The following NHSL1 variants were observed in gnomAD, a reference collection of about 807,000 sequenced individuals.
NHSL1 encodes the protein NHS like 1.
A neutral mutation model predicts 95.0 loss-of-function variants in NHSL1; 48 were observed. The observed-to-expected ratio is 0.51, with a 90% CI of 0.40 to 0.64. The LOEUF (loss-of-function observed/expected upper bound fraction) is 0.64. Ranked by LOEUF, NHSL1 falls within the 30% of genes least tolerant of loss-of-function variation. The probability of loss-of-function intolerance (pLI) is 0.00; values close to 1 mark genes in which losing one functional copy is unlikely to be tolerated. For missense variants in NHSL1, 1,971 were observed against 2,077.7 expected, an observed-to-expected ratio of 0.95 and a Z score of 1.00; for synonymous variants, 783 against 833.9, an observed-to-expected ratio of 0.94 and a Z score of 1.05.
In NHSL1 at chr6:138,430,097, G is replaced by C. The variant is rs375684144; in HGVS notation, c.3953-254C>G. On this transcript the variant is annotated intron_variant, in intron 6 of 7. Transcript: ENST00000343505. The surrounding 1 kb of genome is among the most constrained non-coding windows in gnomAD (Gnocchi z 4.7). Reference sequence around the variant, plus strand: ...AAATTTTGTTGCAACGTTTCTTTGCGCGGCTCTTCGGAAGGGAGGTGTTAC... The same window carrying C: ...AAATTTTGTTGCAACGTTTCTTTGCCCGGCTCTTCGGAAGGGAGGTGTTAC... 3.9e-5 allele frequency among the ~76,000 whole-genome samples: 6 copies of C among 152,294 alleles called. No homozygotes were observed. Among genetic ancestry groups the C allele is most frequent in the Non-Finnish European group, 7.3e-5 (5 of 68,028 alleles).
chr6:138,627,492 T>C (rs1361576925), intron 1 of NHSL1, among the ~76,000 whole-genome samples: 1 of 152,238 alleles, frequency 6.6e-6, no homozygotes, highest in Non-Finnish European at 1.5e-5. Context: ...GCACACATCA[T>C]ACATTTGGTA....
At chr6:138,462,685 T>C (rs1409606325) in intron 3 of NHSL1, among the ~76,000 whole-genome samples, 1 of 152,236 alleles carries the variant, frequency 6.6e-6, no homozygotes, top group East Asian at 1.9e-4. Flanking sequence ...TGAGTTAATA[T>C]AGTAGGACTG....
At chr6:138,619,471 T>C (rs1191762344) in intron 1 of NHSL1, among the ~76,000 whole-genome samples, 1 of 152,202 alleles carries the variant, frequency 6.6e-6, no homozygotes, top group Non-Finnish European at 1.5e-5. Flanking sequence ...CAAAAATCAT[T>C]AAATCCAGAA....
At chr6:138,631,755 C>T (rs981288627) in intron 1 of NHSL1, among the ~76,000 whole-genome samples, 2 of 152,080 alleles carry the variant, frequency 1.3e-5, no homozygotes, top group South Asian at 4.1e-4. Flanking sequence ...CTCTGAGACT[C>T]GTAGGTTTCA....
rs559233215 is a variant in NHSL1, at chr6:138,423,909, T to C, written c.*172A>G. On this transcript the variant is annotated 3_prime_UTR_variant, in exon 8 of 8. Coordinates refer to ENST00000343505, the MANE Select transcript of NHSL1 (RefSeq NM_001144060.2). ...CTTAAGCCACAGGGCAAGTGCCAGG[T>C]GAGTCCTAAATAACCGTTCACTCAC... 1.9e-4 allele frequency: 93 copies of C among 479,580 alleles called. No individual in the cohort carries two copies. Among genetic ancestry groups the C allele is most frequent in the Middle Eastern group, 5.8e-4 (1 of 1,718 alleles). 29.7% of individuals were successfully genotyped at this position (479,580 alleles called of 1,614,324 possible).
At chr6:138,640,424 T>C (rs1010155951) in intron 1 of NHSL1, among the ~76,000 whole-genome samples, 2 of 152,158 alleles carry the variant, frequency 1.3e-5, no homozygotes, top group Admixed American at 6.5e-5. Context: ...TTGAAGTACA[T>C]GGGCCCACAT....
intron 1 of NHSL1, among the ~76,000 whole-genome samples, chr6:138,689,024 G>A (rs1184971476): frequency 6.6e-6 from 1 of 152,072 alleles, no homozygotes; most frequent in African/African-American, 2.4e-5. Context: ...TCAACATATT[G>A]GCCAGGCTAG....
At chr6:138,443,480 G>A (rs555398277) in intron 4 of NHSL1, among the ~76,000 whole-genome samples, 3 of 152,292 alleles carry the variant, frequency 2.0e-5, no homozygotes, top group East Asian at 1.9e-4. Flanking sequence ...CCCTGCAGCA[G>A]AAGAAAAAAC....
At chr6:138,678,836 AG>A (rs1223563340) in intron 1 of NHSL1, among the ~76,000 whole-genome samples, 1 of 152,182 alleles carries the variant, frequency 6.6e-6, no homozygotes, top group Non-Finnish European at 1.5e-5. Flanking sequence ...TTATCCTGTA[AG>A]TGTTACTATA....
At chr6:138,565,716 G>A (rs1783588298) in intron 1 of NHSL1, among the ~76,000 whole-genome samples, 1 of 151,756 alleles carries the variant, frequency 6.6e-6, no homozygotes, top group African/African-American at 2.4e-5. Context: ...CTTGAGGCCA[G>A]ATGTTCAAGA....
At chr6:138,687,018 T>A (rs1785593168) in intron 1 of NHSL1, among the ~76,000 whole-genome samples, 1 of 151,716 alleles carries the variant, frequency 6.6e-6, no homozygotes, top group Non-Finnish European at 1.5e-5. Flanking sequence ...TAGAGGGGGG[T>A]GCGGGCCACA....
At chr6:138,567,690 T>G (rs1166876652) in intron 1 of NHSL1, among the ~76,000 whole-genome samples, 1 of 152,134 alleles carries the variant, frequency 6.6e-6, no homozygotes, top group Non-Finnish European at 1.5e-5. Flanking sequence ...ATTGATTATC[T>G]AGTATATGGA....
chr6:138,431,031 G>A lies in NHSL1; in HGVS notation c.3314C>T (p.Ala1105Val), dbSNP rs1403672014. 1.3e-6 allele frequency: 2 copies of A among 1,552,160 alleles called. No homozygotes were observed. The highest frequency in any genetic ancestry group is 1.7e-6 in the Non-Finnish European group (2 of 1,147,010). The change falls in exon 6 of 8, where the codon GCT becomes GTT. Residue 1105 changes from alanine to valine, a missense_variant. This residue lies in a region of NHSL1 where 1,602 missense variants were observed against 1,654.5 expected (regional missense o/e 0.97). Coordinates refer to ENST00000343505, the MANE Select transcript of NHSL1 (RefSeq NM_001144060.2). This position sits in a 1 kb window ranked among gnomAD's most constrained non-coding sequence, Gnocchi z 4.0. ...AGATGGCTTTAAGTGGTACTGTGGA[G>A]CAACTGGAGTTCGTTGTTCCTGAGC... The part of the protein sequence containing the change: ...RTAQEQRTPV[A>V]PQYHLKPSAF...
chr6:138,447,205 AAAG>A lies in NHSL1; in HGVS notation c.340-15_340-13del. ...GAAGACAGAGAACACTGCAGAGAAA[AAAG>A]AAGCAGCAGCCACAGTGTATAAAGA... On this transcript the variant is annotated splice_polypyrimidine_tract_variant and intron_variant, in intron 3 of 7. Coordinates refer to ENST00000343505, the MANE Select transcript of NHSL1 (RefSeq NM_001144060.2). 4 of 1,547,654 alleles carry A rather than the reference AAAG, an allele frequency of 2.6e-6. No individual in the cohort carries two copies. The highest frequency in any genetic ancestry group is 1.2e-5 in the South Asian group (1 of 83,842).
intron 2 of NHSL1, among the ~76,000 whole-genome samples, chr6:138,482,010 A>G (rs1426149201): frequency 6.6e-6 from 1 of 152,230 alleles, no homozygotes; most frequent in Non-Finnish European, 1.5e-5. Flanking sequence ...TATAAAGACA[A>G]AACATTCCAG....
chr6:138,599,520 A>C (rs75208145), intron 1 of NHSL1, among the ~76,000 whole-genome samples: 1,769 of 152,092 alleles, frequency 0.012, 27 homozygotes, highest in African/African-American at 0.041. Context: ...TCAAAAAAAA[A>C]CAGAAAGATT....
At chr6:138,661,640 C>T (rs546134942) in intron 1 of NHSL1, among the ~76,000 whole-genome samples, 30 of 149,186 alleles carry the variant, frequency 2.0e-4, no homozygotes, top group Admixed American at 6.7e-4. Context: ...CCAGACTAAG[C>T]GACAGAATGA....
In NHSL1 at chr6:138,474,888, C is replaced by T. The variant is rs1053998870; in HGVS notation, c.212-1455G>A. 2.6e-5 allele frequency among the ~76,000 whole-genome samples: 4 copies of T among 152,238 alleles called. No individual in the cohort carries two copies. The East Asian group carries it at 7.7e-4, about 29-fold the overall frequency. On this transcript the variant is annotated intron_variant, in intron 2 of 7. Transcript: ENST00000343505. ...CTCAGGCTGGGCGCGGTGGCTCATG[C>T]CTTTAATCCCAGTACTTTGGGAGGC...
Position 138,442,088 on chromosome 6 carries a change from G to A in NHSL1, c.559C>T (p.Leu187Phe), listed in dbSNP as rs1489140721. 6.4e-7 allele frequency: 1 copy of A among 1,550,434 alleles called. No individual in the cohort carries two copies. The highest frequency in any genetic ancestry group is 1.4e-5 in the African/African-American group (1 of 73,092). ...TGENFDRQAS[L>F]RRSLIYTDTL... The stretch of plus-strand genomic sequence containing the variant: ...TCTGTGTAAATTAGAGACCGCCGAA[G>A]GCTGGCCTGGCGATCGAAATTCTCC... The change falls in exon 5 of 8, where the codon CTT becomes TTT. Residue 187 changes from leucine to phenylalanine, a missense_variant. By Grantham distance (22) the Leu-to-Phe change is conservative. Around this residue, in one of 3 missense-constraint regions of NHSL1, gnomAD observed 1,602 missense variants for 1,654.5 expected, o/e 0.97. Coordinates refer to ENST00000343505, the MANE Select transcript of NHSL1 (RefSeq NM_001144060.2).
Sources: gnomAD v4.1 joint callset for allele counts (sites outside exome capture counted in the v4.1 genomes callset) on GRCh38, gnomAD v4.1.1 for gene constraint, gnomAD v4.1.1 regional missense constraint, Gnocchi (gnomAD v3.1) non-coding constraint, MANE v1.5 for transcripts, NCBI Gene and HGNC (gene_info 2026-07-23, HGNC 2026-07-21) for gene names.